The following ATP6V1H variants were observed in gnomAD, a reference collection of about 807,000 sequenced individuals.
The protein encoded by ATP6V1H is ATPase H+ transporting V1 subunit H.
In ATP6V1H, 39 loss-of-function variants were observed where a neutral mutation model predicts 71.7. That is an observed-to-expected ratio of 0.54 (90% CI 0.42 to 0.71). The LOEUF is 0.71. Ranked by LOEUF, ATP6V1H falls within the 30% of genes least tolerant of loss-of-function variation. The pLI is 0.00. For missense variants in ATP6V1H, 509 were observed against 594.9 expected, an observed-to-expected ratio of 0.86 and a Z score of 1.50; for synonymous variants, 192 against 199.3, an observed-to-expected ratio of 0.96 and a Z score of 0.31.
At chr8:53,820,274 A>G (rs1442399090) in intron 4 of ATP6V1H, among the ~76,000 whole-genome samples, 2 of 151,950 alleles carry the variant, frequency 1.3e-5, no homozygotes, top group African/African-American at 4.8e-5. Context: ...ATCATTTTTG[A>G]GAGATAATAA....
chr8:53,810,060 T>C (rs1231009315), intron 7 of ATP6V1H, among the ~76,000 whole-genome samples: 2 of 152,168 alleles, frequency 1.3e-5, no homozygotes, highest in East Asian at 3.9e-4. Context: ...GTGACATTCA[T>C]TCAGATTATG....
At chr8:53,826,683 A>G (rs1810831303) in intron 4 of ATP6V1H, among the ~76,000 whole-genome samples, 1 of 152,196 alleles carries the variant, frequency 6.6e-6, no homozygotes, top group Non-Finnish European at 1.5e-5. Flanking sequence ...GCAGTGGCTC[A>G]CACTTGTAAT....
At chr8:53,835,489 G>A (rs1264758198) in intron 2 of ATP6V1H, among the ~76,000 whole-genome samples, 1 of 152,080 alleles carries the variant, frequency 6.6e-6, no homozygotes, top group Non-Finnish European at 1.5e-5. Context: ...AGAAGACCTT[G>A]ATTATTACAT....
intron 9 of ATP6V1H, among the ~76,000 whole-genome samples, chr8:53,786,876 T>C (rs917728289): frequency 1.3e-5 from 2 of 152,236 alleles, no homozygotes; most frequent in African/African-American, 4.8e-5. Flanking sequence ...TTGTAAAATA[T>C]ATGTGAAAGC....
intron 13 of ATP6V1H, among the ~76,000 whole-genome samples, chr8:53,720,882 A>C (rs564790786): frequency 6.6e-6 from 1 of 152,206 alleles, no homozygotes; most frequent in Non-Finnish European, 1.5e-5. Flanking sequence ...TTTAGTGTGC[A>C]AATTTTTCAT....
At chr8:53,729,505 G>C (rs1283715110) in intron 13 of ATP6V1H, among the ~76,000 whole-genome samples, 1 of 152,142 alleles carries the variant, frequency 6.6e-6, no homozygotes, top group African/African-American at 2.4e-5. Context: ...TCACTTCCAA[G>C]GCAGCTGAAG....
intron 4 of ATP6V1H, among the ~76,000 whole-genome samples, chr8:53,828,777 C>G (rs1428896279): frequency 3.9e-5 from 6 of 152,054 alleles, no homozygotes; most frequent in Non-Finnish European, 5.9e-5. Context: ...AATAGAACAA[C>G]CCTCCCTAAA....
chr8:53,827,960 G>C (rs149106133), intron 4 of ATP6V1H, among the ~76,000 whole-genome samples: 1 of 152,244 alleles, frequency 6.6e-6, no homozygotes, highest in African/African-American at 2.4e-5. Flanking sequence ...TTTTATGGCC[G>C]TATAGTATTC....
chr8:53,811,309 C>T (rs1193731142), intron 6 of ATP6V1H, 92 bp from the exon 7 acceptor site: 1 of 1,021,222 alleles, frequency 9.8e-7, no homozygotes, highest in African/African-American at 1.6e-5. Context: ...AACTTTTCCC[C>T]TAATTCTATG....
At chr8:53,809,890 G>A (rs934064849) in intron 7 of ATP6V1H, among the ~76,000 whole-genome samples, 1 of 152,122 alleles carries the variant, frequency 6.6e-6, no homozygotes, top group African/African-American at 2.4e-5. Flanking sequence ...CCAGGATCGC[G>A]TATCTAGTTC....
At position 53,806,445 on chromosome 8, in the gene ATP6V1H, CA is replaced by C. The variant is rs908329163; in HGVS notation, c.580-4550del. Among the ~76,000 whole-genome samples, 336 of 146,394 alleles carry C rather than the reference CA, an allele frequency of 2.3e-3. 2 individuals carry two copies. The highest frequency in any genetic ancestry group is 7.7e-3 in the African/African-American group (309 of 40,216). On this transcript the variant is annotated intron_variant, in intron 7 of 13. Transcript: ENST00000359530. Reference sequence around the variant, plus strand: ...AATATCTAAATGAAGATAGTTTCACCAAAAAAAAAATAGTTTTACTATTGGT... The same window carrying C: ...AATATCTAAATGAAGATAGTTTCACCAAAAAAAAATAGTTTTACTATTGGT...
In ATP6V1H at chr8:53,802,589, G is replaced by A. The variant is rs140343628; in HGVS notation, c.580-693C>T. 8.5e-3 allele frequency among the ~76,000 whole-genome samples: 1,298 copies of A among 151,990 alleles called. 4 individuals carry two copies. The highest frequency in any genetic ancestry group is 0.015 in the South Asian group (73 of 4,814). ...CAAAAAATTAGCTGGGCCTGGTGGC[G>A]CACACCTGTAATCCCAGCTACTTGG... On this transcript the variant is annotated intron_variant, in intron 7 of 13. Coordinates refer to ENST00000359530, the MANE Select transcript of ATP6V1H (RefSeq NM_015941.4).
intron 4 of ATP6V1H, among the ~76,000 whole-genome samples, chr8:53,827,628 GT>G (rs917387599): frequency 5.5e-4 from 83 of 151,978 alleles, no homozygotes; most frequent in African/African-American, 1.9e-3. Context: ...CGTATTTTAG[GT>G]TCAGGGGTAC....
At chr8:53,777,152 T>C (rs1248025524) in intron 9 of ATP6V1H, among the ~76,000 whole-genome samples, 1 of 152,188 alleles carries the variant, frequency 6.6e-6, no homozygotes, top group African/African-American at 2.4e-5. Context: ...TGCAAATGTA[T>C]ACCTGAAAAT....
chr8:53,796,041 T>C (rs1809719332), intron 8 of ATP6V1H, among the ~76,000 whole-genome samples: 2 of 152,068 alleles, frequency 1.3e-5, no homozygotes, highest in East Asian at 3.9e-4. Flanking sequence ...TCTCCAAAAG[T>C]CACAGGATCT....
At chr8:53,757,658 A>G (rs1293979664) in intron 11 of ATP6V1H, among the ~76,000 whole-genome samples, 1 of 152,232 alleles carries the variant, frequency 6.6e-6, no homozygotes, top group East Asian at 1.9e-4. Flanking sequence ...ATAGATACAC[A>G]CAAACTTAAA....
rs1414388677 is a variant in ATP6V1H, at chr8:53,724,628, G to A, written c.1392-8604C>T. ...CCCACCCCGACAGCCAAGAGGACGA[G>A]GCCACGCCCCAGGGACGGCAGTGCG... On this transcript the variant is annotated intron_variant, in intron 13 of 13. Transcript: ENST00000359530. Among the ~76,000 whole-genome samples, 6 of 129,962 alleles carry A rather than the reference G, an allele frequency of 4.6e-5. No homozygotes were observed. The Admixed American group carries it at 5.2e-4, about 11-fold the overall frequency. The allele number at this position is 129,962 out of a possible 152,430, so 85.3% of individuals were successfully genotyped here.
chr8:53,747,687 A>G (rs947546910), intron 12 of ATP6V1H, among the ~76,000 whole-genome samples: 1 of 151,768 alleles, frequency 6.6e-6, no homozygotes. Context: ...TTACAGGTGC[A>G]TGCCACCATG....
At chr8:53,759,831 C>T (rs16919544) in intron 11 of ATP6V1H, among the ~76,000 whole-genome samples, 4,466 of 152,184 alleles carry the variant, frequency 0.029, 221 homozygotes, top group African/African-American at 0.1. Context: ...TTTCTGTATA[C>T]TTCAAAAGTG....
Sources: gnomAD v4.1 joint callset for allele counts (sites outside exome capture counted in the v4.1 genomes callset) on GRCh38, gnomAD v4.1.1 for gene constraint, MANE v1.5 for transcripts, NCBI Gene and HGNC (gene_info 2026-07-23, HGNC 2026-07-21) for gene names.